PCDHGB3: variants seen among roughly 807,000 people sequenced by gnomAD.
The protein encoded by PCDHGB3 is protocadherin gamma subfamily B, 3.
Under a neutral mutation model 59.2 loss-of-function variants are expected in PCDHGB3, and 40 were observed. The observed-to-expected ratio is 0.68, with a 90% CI of 0.52 to 0.88. The LOEUF is 0.88. Among genes scored for constraint, PCDHGB3 ranks in the 40% least tolerant of loss-of-function variants. The pLI, the probability that PCDHGB3 is intolerant of heterozygous loss-of-function variation, is 0.00. For missense variants in PCDHGB3, 1,309 were observed against 1,187.9 expected (o/e 1.10, Z -1.50); for synonymous variants, 581 against 503.6 (o/e 1.15, Z -2.06).
In PCDHGB3 at chr5:141,490,679, A is replaced by C; in HGVS notation, c.2416-4128A>C. On this transcript the variant is annotated intron_variant, in intron 1 of 3. Coordinates refer to ENST00000576222, the MANE Select transcript of PCDHGB3 (RefSeq NM_018924.5). The surrounding 1 kb of genome is among the most constrained non-coding windows in gnomAD (Gnocchi z 5.4). ...CTTCTTTGCACTGTGGCTGCCTCAG[A>C]TCCAGACACTGGGGATAATGCCCGC... 6.2e-7 allele frequency: 1 copy of C among 1,614,164 alleles called. No individual in the cohort carries two copies. The highest frequency in any genetic ancestry group is 8.5e-7 in the Non-Finnish European group (1 of 1,180,034).
chr5:141,453,318 AG>A (rs1299190594), intron 1 of PCDHGB3, among the ~76,000 whole-genome samples: 2 of 151,458 alleles, frequency 1.3e-5, no homozygotes, highest in Non-Finnish European at 2.9e-5. Context: ...TTTATTTTAG[AG>A]ATGGGGTCTC....
At chr5:141,374,796 A>G (rs1422023332) in intron 1 of PCDHGB3, 5 of 1,613,974 alleles carry the variant, frequency 3.1e-6, no homozygotes, top group Non-Finnish European at 3.4e-6. Context: ...GTGAATGACA[A>G]CACTCCAATG....
intron 2 of PCDHGB3, among the ~76,000 whole-genome samples, chr5:141,503,985 T>C (rs1277024188): frequency 6.6e-6 from 1 of 152,150 alleles, no homozygotes; most frequent in African/African-American, 2.4e-5. Flanking sequence ...ACCCTTCTTC[T>C]TACCTTACAG....
At chr5:141,484,589 C>T (rs2154580160) in intron 1 of PCDHGB3, among the ~76,000 whole-genome samples, 1 of 152,074 alleles carries the variant, frequency 6.6e-6, no homozygotes, top group African/African-American at 2.4e-5. Context: ...GGAAGCTACT[C>T]ATTTAGAATA....
intron 1 of PCDHGB3, among the ~76,000 whole-genome samples, chr5:141,373,280 A>G (rs1187870137): frequency 6.6e-6 from 1 of 152,242 alleles, no homozygotes; most frequent in Non-Finnish European, 1.5e-5. Context: ...GATGTTGCCT[A>G]TGTCAGGGCA....
chr5:141,371,646 T>C lies in PCDHGB3; in HGVS notation c.1252T>C (p.Tyr418His). Residue 418 changes from tyrosine to histidine, a missense_variant, in exon 1 of 4, where the codon TAC becomes CAC. Physicochemically the swap from Tyr to His is moderately conservative, Grantham distance 83 (BLOSUM62 2). Transcript: ENST00000576222. ...CCTGGACCGGGAGCAGATCCCAGAATACAATGTGACGATCACAGCTACCGA... is the reference window on the plus strand; with the variant it reads ...CCTGGACCGGGAGCAGATCCCAGAACACAATGTGACGATCACAGCTACCGA... ...GALDREQIPE[Y>H]NVTITATDKG... The C allele has an allele frequency of 1.9e-6, 3 of 1,614,026 alleles. No homozygotes were observed. Among genetic ancestry groups the C allele is most frequent in the Non-Finnish European group, 2.5e-6 (3 of 1,179,914 alleles).
intron 3 of PCDHGB3, 110 bp downstream of exon 3, chr5:141,505,591 G>A (rs2099846959): frequency 6.4e-7 from 1 of 1,570,162 alleles, no homozygotes; most frequent in Non-Finnish European, 8.7e-7. Context: ...AGTTTCTCCA[G>A]ATCTTTCGGC....
rs1293684074 is a variant in PCDHGB3 at position 141,512,899 on chromosome 5, C to T, written c.*1726C>T. On this transcript the variant is annotated 3_prime_UTR_variant, in exon 4 of 4. Transcript: ENST00000576222. ...CCCACCCCACCCTCTTCCTGTGTCT[C>T]ACGCAAGTTTTATACTCTAATATTT... 1 of 152,260 alleles carries T rather than the reference C, an allele frequency of 6.6e-6. No homozygotes were observed. Among genetic ancestry groups the T allele is most frequent in the Non-Finnish European group, 1.5e-5 (1 of 68,064 alleles). 9.4% of individuals were successfully genotyped at this position (152,260 alleles called of 1,614,324 possible). A position where few individuals can be genotyped will look rare whatever the true frequency, so the allele number is the denominator to read the frequency against.
rs769671283 is a variant in PCDHGB3, at chr5:141,511,391, C to T, written c.*218C>T. On this transcript the variant is annotated 3_prime_UTR_variant, in exon 4 of 4. Transcript: ENST00000576222. Reference sequence around the variant, plus strand: ...TGCAAAAGCAGTTCCGCTGGGAACCCCCATCCAATCAACTGCTGTACCCAT... The same window carrying T: ...TGCAAAAGCAGTTCCGCTGGGAACCTCCATCCAATCAACTGCTGTACCCAT... The T allele has an allele frequency of 6.4e-5, 69 of 1,079,630 alleles. No individual in the cohort carries two copies. The highest frequency in any genetic ancestry group is 1.5e-4 in the Admixed American group (5 of 34,354). 66.9% of individuals were successfully genotyped at this position (1,079,630 alleles called of 1,614,324 possible). A position where few individuals can be genotyped will look rare whatever the true frequency, so the allele number is the denominator to read the frequency against.
chr5:141,389,983 T>C (rs1224770373), intron 1 of PCDHGB3: 1 of 1,614,014 alleles, frequency 6.2e-7, no homozygotes, highest in East Asian at 2.2e-5. Context: ...ATCTCAGTGC[T>C]CTTCCTCGTG....
At chr5:141,375,760 G>A (rs779640846) in intron 1 of PCDHGB3, 3 of 1,614,236 alleles carry the variant, frequency 1.9e-6, no homozygotes, top group African/African-American at 2.7e-5. Context: ...ATGACAATGC[G>A]CCCGAGATCC....
intron 1 of PCDHGB3, chr5:141,408,379 G>C: frequency 6.2e-7 from 1 of 1,614,032 alleles, no homozygotes; most frequent in South Asian, 1.1e-5. Context: ...TCAGTGTCCT[G>C]GATGTGTCGG....
In PCDHGB3 at chr5:141,371,734, A is replaced by T; in HGVS notation, c.1340A>T (p.Asp447Val). The T allele has an allele frequency of 6.2e-7, 1 of 1,614,042 alleles. No homozygotes were observed. Among genetic ancestry groups the T allele is most frequent in the Non-Finnish European group, 8.5e-7 (1 of 1,179,892 alleles). ...TITLHILDVN[D>V]NVPVFHQASY... ...ACTCTGCACATCCTTGATGTCAACG[A>T]CAACGTTCCCGTTTTCCACCAGGCC... The change falls in exon 1 of 4, where the codon GAC (aspartate) becomes GTC (valine). Residue 447 changes from aspartate to valine, a missense_variant. Coordinates refer to ENST00000576222, the MANE Select transcript of PCDHGB3 (RefSeq NM_018924.5).
intron 1 of PCDHGB3, chr5:141,428,863 T>C (rs1160939898): frequency 6.7e-6 from 1 of 149,182 alleles, no homozygotes; most frequent in African/African-American, 2.4e-5. Context: ...CGGGAGACTT[T>C]TTTTTTTTTT....
At position 141,485,682 on chromosome 5, in the gene PCDHGB3, A is replaced by T. The variant is rs779441999; in HGVS notation, c.2416-9125A>T. 6.2e-7 allele frequency: 1 copy of T among 1,613,958 alleles called. No individual in the cohort carries two copies. Among genetic ancestry groups the T allele is most frequent in the Non-Finnish European group, 8.5e-7 (1 of 1,179,972 alleles). On this transcript the variant is annotated intron_variant, in intron 1 of 3. Transcript: ENST00000576222. This position sits in a 1 kb window ranked among gnomAD's most constrained non-coding sequence, Gnocchi z 5.7. ...GTGGGGAGCAATTCGATTAGCAGCT[A>T]TAGGCTGAGCTCCAATGAACACTTT...
At chr5:141,503,802 G>A (rs2099831646) in intron 2 of PCDHGB3, among the ~76,000 whole-genome samples, 1 of 151,998 alleles carries the variant, frequency 6.6e-6, no homozygotes, top group South Asian at 2.1e-4. Context: ...CTTAGGGACG[G>A]GGAATCCCAG....
chr5:141,432,481 C>G lies in PCDHGB3; in HGVS notation c.2415+59672C>G. 6.2e-7 allele frequency: 1 copy of G among 1,614,198 alleles called. No homozygotes were observed. On this transcript the variant is annotated intron_variant, in intron 1 of 3. Coordinates refer to ENST00000576222, the MANE Select transcript of PCDHGB3 (RefSeq NM_018924.5). This position sits in a 1 kb window ranked among gnomAD's most constrained non-coding sequence, Gnocchi z 6.0. ...CCCTCCCCACGGACGGTTCCACTGG[C>G]GTGGAGCTGGCTCCCCGCTCCGCAG...
At chr5:141,501,308 C>T (rs1220463692) in intron 2 of PCDHGB3, among the ~76,000 whole-genome samples, 2 of 151,492 alleles carry the variant, frequency 1.3e-5, no homozygotes, top group African/African-American at 2.4e-5. Context: ...CACACACACA[C>T]ACACACACAC....
In PCDHGB3 at chr5:141,489,291, C is replaced by A; in HGVS notation, c.2416-5516C>A. ...TCGCTGGGAAATGGCAAGTGCTGTG[C>A]ATGTTGTCCTTGTGCTGCTGGGGCT... is the stretch of plus-strand genomic sequence containing the variant. On this transcript the variant is annotated intron_variant, in intron 1 of 3. Transcript: ENST00000576222. This position sits in a 1 kb window ranked among gnomAD's most constrained non-coding sequence, Gnocchi z 4.5. 6.3e-7 allele frequency: 1 copy of A among 1,577,628 alleles called. No homozygotes were observed. The highest frequency in any genetic ancestry group is 8.6e-7 in the Non-Finnish European group (1 of 1,161,994).
Sources: gnomAD v4.1 joint callset for allele counts (sites outside exome capture counted in the v4.1 genomes callset) on GRCh38, gnomAD v4.1.1 for gene constraint, Gnocchi (gnomAD v3.1) non-coding constraint, MANE v1.5 for transcripts, NCBI Gene and HGNC (gene_info 2026-07-23, HGNC 2026-07-21) for gene names.